The following STAU2 variants were observed in gnomAD, a reference collection of about 807,000 sequenced individuals.
STAU2 encodes the protein double-stranded RNA-binding protein Staufen homolog 2.
In STAU2, 20 loss-of-function variants were observed where a neutral mutation model predicts 65.9. That is an observed-to-expected ratio of 0.30 (90% CI 0.21 to 0.44). The LOEUF (loss-of-function observed/expected upper bound fraction) is 0.44. STAU2 is among the 20% of genes least tolerant of loss of function. The pLI, the probability that STAU2 is intolerant of heterozygous loss-of-function variation, is 1.00. For synonymous variants in STAU2, 232 were observed against 233.9 expected (o/e 0.99, Z 0.07); for missense variants, 558 against 683.9 (o/e 0.82, Z 2.05).
chr8:73,635,905 G>A (rs1028517222), intron 6 of STAU2, among the ~76,000 whole-genome samples: 2 of 111,434 alleles, frequency 1.8e-5, no homozygotes, highest in Non-Finnish European at 3.4e-5. Context: ...TCTGACCCCT[G>A]AACCACACAC....
chr8:73,621,424 C>T (rs1813225070), intron 6 of STAU2, among the ~76,000 whole-genome samples: 1 of 152,152 alleles, frequency 6.6e-6, no homozygotes, highest in African/African-American at 2.4e-5. Flanking sequence ...AGTTCAGTCT[C>T]GGGTATTTCT....
intron 5 of STAU2, among the ~76,000 whole-genome samples, chr8:73,686,601 G>A (rs1330117455): frequency 6.6e-6 from 1 of 151,732 alleles, no homozygotes; most frequent in Non-Finnish European, 1.5e-5. Context: ...GTTGGGAGGG[G>A]AATGAGGGGT....
chr8:73,544,647 T>G (rs556194344), intron 13 of STAU2, among the ~76,000 whole-genome samples: 1 of 152,362 alleles, frequency 6.6e-6, no homozygotes, highest in Admixed American at 6.5e-5. Context: ...CTATGAACTC[T>G]TCCCTAATTC....
chr8:73,741,676 C>T (rs1806893269), intron 1 of STAU2, among the ~76,000 whole-genome samples: 1 of 151,876 alleles, frequency 6.6e-6, no homozygotes, highest in African/African-American at 2.4e-5. Context: ...CCATGCCTGG[C>T]TAATTTTTGT....
rs568033142 is a variant in STAU2, at chr8:73,467,852, T to G, written c.1531-45150A>C. Among the ~76,000 whole-genome samples the G allele has an allele frequency of 4.6e-5, 7 of 152,246 alleles. No homozygotes were observed. In the East Asian group the frequency reaches 1.4e-3, roughly 29 times the overall value. On this transcript the variant is annotated intron_variant, in intron 13 of 14. Transcript: ENST00000524300. ...ATTCCATGCTCATGGATAGGAAGAA[T>G]CAATATCATGAAAATGGCCATACTG...
At chr8:73,631,253 C>T (rs1277765640) in intron 6 of STAU2, among the ~76,000 whole-genome samples, 2 of 151,856 alleles carry the variant, frequency 1.3e-5, no homozygotes, top group Non-Finnish European at 2.9e-5. Context: ...TACTCAGAAG[C>T]GGAGGCAGGA....
chr8:73,681,235 A>G (rs2130467666), intron 5 of STAU2, among the ~76,000 whole-genome samples: 1 of 152,270 alleles, frequency 6.6e-6, no homozygotes, highest in Middle Eastern at 3.4e-3. Context: ...GGTAACCTAT[A>G]AAGAAAAACC....
At chr8:73,661,915 T>C (rs1179586554) in intron 6 of STAU2, among the ~76,000 whole-genome samples, 1 of 152,200 alleles carries the variant, frequency 6.6e-6, no homozygotes, top group Non-Finnish European at 1.5e-5. Flanking sequence ...AGTCTTTGAA[T>C]GGCCATATAT....
chr8:73,595,445 T>C, intron 10 of STAU2, 148 bp from the exon 11 acceptor site: 3 of 644,116 alleles, frequency 4.7e-6, no homozygotes, highest in South Asian at 6.1e-5. Context: ...ATAACATTTA[T>C]GTAATGTTGT....
chr8:73,726,662 A>G (rs1350055704), intron 3 of STAU2, among the ~76,000 whole-genome samples: 1 of 152,076 alleles, frequency 6.6e-6, no homozygotes, highest in Non-Finnish European at 1.5e-5. Context: ...TATATATTTT[A>G]TTTCAGATAC....
Position 73,552,077 on chromosome 8 carries a change from G to T in STAU2, c.1465C>A (p.Pro489Thr), listed in dbSNP as rs374802646. The change falls in exon 13 of 15, where the codon CCC becomes ACC. Residue 489 changes from proline to threonine, a missense_variant. Physicochemically the swap from Pro to Thr is conservative, Grantham distance 38 (BLOSUM62 -1). Coordinates refer to ENST00000524300, the MANE Select transcript of STAU2 (RefSeq NM_001164380.2). Reference sequence around the variant, plus strand: ...GAAGGTTGTACTGGAGAACAAGGGGGAGTAGGAGAACTTCCTTTTAAACCT... The same window carrying T: ...GAAGGTTGTACTGGAGAACAAGGGGTAGTAGGAGAACTTCCTTTTAAACCT... ...AIGLKGSSPTPPCSPVQPSKQ... is the reference protein window; with the variant it reads ...AIGLKGSSPTTPCSPVQPSKQ... The T allele has an allele frequency of 2.5e-6, 4 of 1,612,104 alleles. No individual in the cohort carries two copies. Among genetic ancestry groups the T allele is most frequent in the Non-Finnish European group, 2.5e-6 (3 of 1,178,706 alleles).
At chr8:73,454,722 T>G (rs751707540) in intron 13 of STAU2, among the ~76,000 whole-genome samples, 1 of 152,202 alleles carries the variant, frequency 6.6e-6, no homozygotes, top group African/African-American at 2.4e-5. Context: ...GAGAGAAGAA[T>G]AAGAGTATTA....
At chr8:73,693,392 G>A (rs940579901) in intron 4 of STAU2, among the ~76,000 whole-genome samples, 2 of 150,458 alleles carry the variant, frequency 1.3e-5, no homozygotes, top group Non-Finnish European at 1.5e-5. Flanking sequence ...GGAGAATGGC[G>A]TGAACCCGGG....
At chr8:73,632,631 G>T (rs979123534) in intron 6 of STAU2, among the ~76,000 whole-genome samples, 7 of 152,140 alleles carry the variant, frequency 4.6e-5, no homozygotes, top group African/African-American at 1.7e-4. Flanking sequence ...TCCAAAGCAG[G>T]AGAGTGATCA....
chr8:73,563,993 T>C (rs1412094797), intron 12 of STAU2, among the ~76,000 whole-genome samples: 1 of 152,138 alleles, frequency 6.6e-6, no homozygotes, highest in Admixed American at 6.5e-5. Context: ...AAGCCAAGAA[T>C]GGCCACACTG....
chr8:73,467,179 CA>C (rs892027039), intron 13 of STAU2, among the ~76,000 whole-genome samples: 6 of 152,230 alleles, frequency 3.9e-5, no homozygotes. Flanking sequence ...TCTCCAACTT[CA>C]AGAGCTATGC....
intron 11 of STAU2, among the ~76,000 whole-genome samples, chr8:73,585,570 A>G (rs568401492): frequency 1.0e-3 from 156 of 152,346 alleles, no homozygotes; most frequent in Non-Finnish European, 1.6e-3. Flanking sequence ...TCTTTCTTTT[A>G]AAGATCATTG....
rs115795739 is a variant in STAU2 at position 73,476,111 on chromosome 8, T to C, written c.1531-53409A>G. Among the ~76,000 whole-genome samples, 687 of 152,316 alleles carry C rather than the reference T, an allele frequency of 4.5e-3. 7 individuals carry two copies. Among genetic ancestry groups the C allele is most frequent in the African/African-American group, 0.015 (643 of 41,566 alleles). ...TGGAATACTCTTATATTGGAAATGA[T>C]TGTTACCAATGGGAGCGATATGGGC... On this transcript the variant is annotated intron_variant, in intron 13 of 14. Transcript: ENST00000524300.
Position 73,595,245 on chromosome 8 carries a change from GCTAT to G in STAU2, c.1078_1081del (p.Ile360ProfsTer70). 6.2e-7 allele frequency: 1 copy of G among 1,611,266 alleles called. No homozygotes were observed. Among genetic ancestry groups the G allele is most frequent in the Non-Finnish European group, 8.5e-7 (1 of 1,178,868 alleles). ...CATTGCTTCTGCAGCATTTTTTTTG[GCTAT>G]CTTTTTATTAGGTCCTGTTCCTGTA... On this transcript the variant is annotated frameshift_variant, in exon 11 of 15. Transcript: ENST00000524300. LOFTEE classifies it high-confidence loss of function.
Sources: allele counts gnomAD v4.1 joint callset (sites outside exome capture counted in the v4.1 genomes callset), GRCh38; gene constraint gnomAD v4.1.1; transcripts MANE v1.5; gene names NCBI Gene and HGNC (gene_info 2026-07-23, HGNC 2026-07-21).